Variants in TAFA1 observed in about 807,000 individuals in gnomAD.
TAFA1 encodes chemokine-like protein TAFA-1.
Under a neutral mutation model 18.5 loss-of-function variants are expected in TAFA1, and 4 were observed. The observed-to-expected ratio is 0.22, with a 90% CI of 0.11 to 0.49. The LOEUF (loss-of-function observed/expected upper bound fraction) is 0.49. Among genes scored for constraint, TAFA1 ranks in the 20% least tolerant of loss-of-function variants. TAFA1 has a pLI of 0.98. For missense variants in TAFA1, 147 were observed against 169.0 expected (o/e 0.87, Z 0.72); for synonymous variants, 56 against 55.2 (o/e 1.01, Z -0.06).
chr3:68,328,290 T>G (rs1460278733), intron 2 of TAFA1, among the ~76,000 whole-genome samples: 1 of 152,226 alleles, frequency 6.6e-6, no homozygotes, highest in African/African-American at 2.4e-5. Flanking sequence ...GTGTTGAAAT[T>G]ACCAATTTCA....
At chr3:68,187,090 C>A (rs2066280501) in intron 2 of TAFA1, among the ~76,000 whole-genome samples, 2 of 151,826 alleles carry the variant, frequency 1.3e-5, no homozygotes, top group South Asian at 4.2e-4. Context: ...AATAATGAAA[C>A]CTTGAATTCT....
intron 3 of TAFA1, among the ~76,000 whole-genome samples, chr3:68,437,294 A>G (rs946433222): frequency 1.3e-5 from 2 of 152,144 alleles, no homozygotes. Flanking sequence ...GCACAATGTT[A>G]AAGAGAAATA....
At chr3:68,512,649 T>A (rs930004670) in intron 3 of TAFA1, among the ~76,000 whole-genome samples, 1 of 151,458 alleles carries the variant, frequency 6.6e-6, no homozygotes, top group Non-Finnish European at 1.5e-5. Flanking sequence ...GAAAAGAGGG[T>A]AAAAGAGTTC....
At chr3:68,377,279 ACTTC>A (rs1321769322) in intron 2 of TAFA1, among the ~76,000 whole-genome samples, 2 of 152,120 alleles carry the variant, frequency 1.3e-5, no homozygotes, top group South Asian at 2.1e-4. Context: ...GAAGTTTGGA[ACTTC>A]CTAGAGACTT....
chr3:68,530,667 A>G (rs993133885), intron 3 of TAFA1, among the ~76,000 whole-genome samples: 2 of 152,154 alleles, frequency 1.3e-5, no homozygotes, highest in African/African-American at 4.8e-5. Context: ...GCAGTTATGC[A>G]TCTACCTCAC....
chr3:68,408,749 G>A (rs2070658434), intron 2 of TAFA1, among the ~76,000 whole-genome samples: 1 of 152,104 alleles, frequency 6.6e-6, no homozygotes, highest in South Asian at 2.1e-4. Context: ...CTGCCAGCGT[G>A]GAGTGCCCAG....
chr3:68,303,643 G>T (rs1191215307), intron 2 of TAFA1, among the ~76,000 whole-genome samples: 2 of 152,058 alleles, frequency 1.3e-5, no homozygotes, highest in Admixed American at 1.3e-4. Context: ...TAGAGACGGG[G>T]TTTCACTGTG....
At chr3:68,261,094 A>C (rs1289483090) in intron 2 of TAFA1, among the ~76,000 whole-genome samples, 1 of 152,152 alleles carries the variant, frequency 6.6e-6, no homozygotes, top group Non-Finnish European at 1.5e-5. Flanking sequence ...ACCATCAAAA[A>C]GTGGGCGAAG....
intron 2 of TAFA1, among the ~76,000 whole-genome samples, chr3:68,130,318 C>T (rs941387138): frequency 1.3e-5 from 2 of 152,168 alleles, no homozygotes; most frequent in Non-Finnish European, 2.9e-5. Context: ...GAGCAGTTTG[C>T]TGCGGACATT....
chr3:68,169,201 A>G (rs2066021122), intron 2 of TAFA1, among the ~76,000 whole-genome samples: 2 of 152,226 alleles, frequency 1.3e-5, no homozygotes, highest in African/African-American at 2.4e-5. Flanking sequence ...AAGCTAAGTC[A>G]TAAAAGGCAC....
At chr3:68,536,659 A>G (rs1171645693) in intron 3 of TAFA1, among the ~76,000 whole-genome samples, 1 of 152,220 alleles carries the variant, frequency 6.6e-6, no homozygotes, top group Non-Finnish European at 1.5e-5. Flanking sequence ...TAAGGGAAAT[A>G]TAGAGTTTCT....
intron 3 of TAFA1, among the ~76,000 whole-genome samples, chr3:68,451,262 T>C (rs1213567950): frequency 1.3e-5 from 2 of 152,208 alleles, no homozygotes; most frequent in Non-Finnish European, 2.9e-5. Flanking sequence ...GACAGTTCTT[T>C]TTGCCATAGT....
At chr3:68,233,785 T>A (rs1009610415) in intron 2 of TAFA1, among the ~76,000 whole-genome samples, 1 of 152,212 alleles carries the variant, frequency 6.6e-6, no homozygotes, top group Non-Finnish European at 1.5e-5. Context: ...GTCTTGAAAC[T>A]GTCTATACCA....
At chr3:68,361,508 C>A (rs2069467542) in intron 2 of TAFA1, among the ~76,000 whole-genome samples, 1 of 151,930 alleles carries the variant, frequency 6.6e-6, no homozygotes, top group Non-Finnish European at 1.5e-5. Flanking sequence ...GTTATGGGCT[C>A]ATAGAGATGG....
intron 2 of TAFA1, among the ~76,000 whole-genome samples, chr3:68,057,885 C>A (rs1318820551): frequency 6.6e-6 from 1 of 152,130 alleles, no homozygotes; most frequent in African/African-American, 2.4e-5. Context: ...CTAGAGAAGG[C>A]AAACAATGGA....
At chr3:68,428,916 A>G (rs934854608) in intron 3 of TAFA1, among the ~76,000 whole-genome samples, 2 of 151,938 alleles carry the variant, frequency 1.3e-5, no homozygotes, top group African/African-American at 2.4e-5. Flanking sequence ...CTTCTCATCA[A>G]TGTCTCCCGG....
At chr3:68,027,385 G>C (rs914897098) in intron 2 of TAFA1, among the ~76,000 whole-genome samples, 5 of 152,168 alleles carry the variant, frequency 3.3e-5, no homozygotes, top group Non-Finnish European at 5.9e-5. Context: ...CCATCTCTCA[G>C]TGAAGAGCCA....
intron 2 of TAFA1, among the ~76,000 whole-genome samples, chr3:68,353,362 T>C (rs556223465): frequency 4.6e-5 from 7 of 152,236 alleles, no homozygotes; most frequent in Middle Eastern, 3.4e-3. Flanking sequence ...AAGCCTGATA[T>C]AGCGTGTAAG....
intron 3 of TAFA1, among the ~76,000 whole-genome samples, chr3:68,508,076 T>C (rs2072788975): frequency 6.6e-6 from 1 of 152,100 alleles, no homozygotes; most frequent in African/African-American, 2.4e-5. Context: ...CCATTACATT[T>C]ATGATGAGGG....
Sources: allele counts gnomAD v4.1 joint callset (sites outside exome capture counted in the v4.1 genomes callset), GRCh38; gene constraint gnomAD v4.1.1; transcripts MANE v1.5; gene names NCBI Gene and HGNC (gene_info 2026-07-23, HGNC 2026-07-21).